Variants in CAPN3 observed in about 807,000 individuals in gnomAD.
The protein encoded by CAPN3 is calpain 3.
Under a neutral mutation model 114.0 loss-of-function variants are expected in CAPN3, and 88 were observed. That is an observed-to-expected ratio of 0.77 (90% CI 0.65 to 0.92). The LOEUF (loss-of-function observed/expected upper bound fraction) is 0.92, where lower values mean the gene tolerates loss of function less well. Among genes scored for constraint, CAPN3 ranks in the 40% least tolerant of loss-of-function variants. The pLI, the probability that CAPN3 is intolerant of heterozygous loss-of-function variation, is 0.00. For synonymous variants in CAPN3, 386 were observed against 382.9 expected, an observed-to-expected ratio of 1.01 and a Z score of -0.09; for missense variants, 1,028 against 1,069.0, an observed-to-expected ratio of 0.96 and a Z score of 0.53.
chr15:42,409,179 C>T (rs2054122954), intron 16 of CAPN3, 124 bp from the exon 17 acceptor site: 1 of 805,446 alleles, frequency 1.2e-6, no homozygotes. Context: ...ATTTGCCCGT[C>T]CCCAGCTCCT....
In CAPN3 at chr15:42,406,011, G is replaced by A. The variant is rs1406202939; in HGVS notation, c.1800+68G>A. ...ATATGTATGTGCATGCATGTGAAGTGTGCATGTGTGAGCTCATATGCATCC... is the reference window on the plus strand; with the variant it reads ...ATATGTATGTGCATGCATGTGAAGTATGCATGTGTGAGCTCATATGCATCC... On this transcript the variant is annotated intron_variant, in intron 15 of 23. Transcript: ENST00000397163. 2.2e-6 allele frequency: 3 copies of A among 1,346,502 alleles called. No homozygotes were observed. In the East Asian group the frequency reaches 6.9e-5, roughly 31 times the overall value. The allele number at this position is 1,346,502 out of a possible 1,614,324, so 83.4% of individuals were successfully genotyped here. A position where few individuals can be genotyped will look rare whatever the true frequency, so the allele number is the denominator to read the frequency against.
At chr15:42,377,864 A>G (rs2053131973) in intron 1 of CAPN3, among the ~76,000 whole-genome samples, 1 of 152,206 alleles carries the variant, frequency 6.6e-6, no homozygotes, top group African/African-American at 2.4e-5. Context: ...AGTGCTATTC[A>G]GATTATCTAA....
At chr15:42,396,962 A>G in intron 9 of CAPN3, 85 bp downstream of exon 9, 1 of 996,422 alleles carries the variant, frequency 1.0e-6, no homozygotes, top group East Asian at 2.4e-5. Flanking sequence ...AGCTAAGGTT[A>G]TCAGATTCCA....
intron 1 of CAPN3, among the ~76,000 whole-genome samples, chr15:42,360,799 C>T (rs1566966385): frequency 1.3e-5 from 2 of 152,200 alleles, no homozygotes; most frequent in South Asian, 4.1e-4. Context: ...CTCTCCCAGC[C>T]TCTGGGTTTC....
At position 42,402,205 on chromosome 15, in the gene CAPN3, C is replaced by T. The variant is rs28364490; in HGVS notation, c.1536+70C>T. 2.2e-4 allele frequency: 350 copies of T among 1,609,654 alleles called. 3 individuals are homozygous for T. In the East Asian group the frequency reaches 7.5e-3, roughly 34 times the overall value. On this transcript the variant is annotated intron_variant, in intron 12 of 23. Transcript: ENST00000397163. ...GGGGGCCCCGAGTCTGTCTGTGGCT[C>T]GTCGAGAAGCTTCCTGGTGGGGTTT...
intron 1 of CAPN3, among the ~76,000 whole-genome samples, chr15:42,382,250 T>C (rs1343038965): frequency 6.6e-6 from 1 of 152,220 alleles, no homozygotes; most frequent in African/African-American, 2.4e-5. Context: ...TTCTAGAATG[T>C]ATATTCATGT....
At chr15:42,401,180 C>T (rs2053850981) in intron 10 of CAPN3, among the ~76,000 whole-genome samples, 1 of 151,702 alleles carries the variant, frequency 6.6e-6, no homozygotes, top group Non-Finnish European at 1.5e-5. Flanking sequence ...GGCAACAGAG[C>T]CAGACTCCGT....
At chr15:42,405,269 T>C (rs2053985499) in intron 14 of CAPN3, among the ~76,000 whole-genome samples, 2 of 152,222 alleles carry the variant, frequency 1.3e-5, no homozygotes, top group Non-Finnish European at 2.9e-5. Context: ...GAGAGCCATG[T>C]TTTTGGTGTT....
chr15:42,409,059 G>A, intron 16 of CAPN3: 2 of 556,040 alleles, frequency 3.6e-6, no homozygotes, highest in East Asian at 3.1e-5. Flanking sequence ...GGGTGGCGGG[G>A]AGGAGGCTGT....
Position 42,386,282 on chromosome 15 carries a change from C to T in CAPN3, c.495C>T (p.Phe165=), listed in dbSNP as rs1801324. 7.4e-3 allele frequency: 11,866 copies of T among 1,603,796 alleles called. 67 individuals carry two copies. The highest frequency in any genetic ancestry group is 9.2e-3 in the Non-Finnish European group (10,810 of 1,170,578). ...FIENYAGIFH[F]QFWRYGEWVD... ...AAAACTACGCAGGGATCTTCCACTT[C>T]CAGGTGAGGTAATGAGAGTGTAGTT... is the stretch of plus-strand genomic sequence containing the variant. Residue 165 remains phenylalanine (F), a synonymous_variant, in exon 3 of 24, where the codon TTC becomes TTT. Transcript: ENST00000397163.
At chr15:42,368,596 C>T (rs1345433672) in intron 1 of CAPN3, among the ~76,000 whole-genome samples, 2 of 152,168 alleles carry the variant, frequency 1.3e-5, no homozygotes, top group African/African-American at 4.8e-5. Flanking sequence ...ACCAGAGACT[C>T]ATAGGACTCT....
intron 6 of CAPN3, among the ~76,000 whole-genome samples, chr15:42,391,571 G>A (rs927317632): frequency 2.6e-5 from 4 of 152,086 alleles, no homozygotes; most frequent in African/African-American, 7.2e-5. Context: ...TAGGAATTCC[G>A]CGGCCTAGCA....
In CAPN3 at chr15:42,405,985, C is replaced by T. The variant is rs140716903; in HGVS notation, c.1800+42C>T. Reference sequence around the variant, plus strand: ...AGAGCATGAAGTGTGTGTACTCATGCATATGTATGTGCATGCATGTGAAGT... The same window carrying T: ...AGAGCATGAAGTGTGTGTACTCATGTATATGTATGTGCATGCATGTGAAGT... On this transcript the variant is annotated intron_variant, in intron 15 of 23. Coordinates refer to ENST00000397163, the MANE Select transcript of CAPN3 (RefSeq NM_000070.3). 764 of 1,570,884 alleles carry T rather than the reference C, an allele frequency of 4.9e-4. 7 individuals carry two copies. In the East Asian group the frequency reaches 0.017, roughly 35 times the overall value.
chr15:42,408,584 C>T (rs1305556884), intron 16 of CAPN3: 3 of 457,732 alleles, frequency 6.6e-6, no homozygotes, highest in Non-Finnish European at 1.2e-5. Flanking sequence ...AGCCAGGATA[C>T]AGAGAAGGGG....
At position 42,359,834 on chromosome 15, in the gene CAPN3, C is replaced by T; in HGVS notation, c.29C>T (p.Ala10Val). The T allele has an allele frequency of 1.9e-6, 3 of 1,614,020 alleles. No individual in the cohort carries two copies. Among genetic ancestry groups the T allele is most frequent in the South Asian group, 1.1e-5 (1 of 91,074 alleles). The stretch of plus-strand genomic sequence containing the variant: ...CCGACCGTCATTAGCGCATCTGTGG[C>T]TCCAAGGACAGCGGCTGAGCCCCGG... MPTVISASV[A>V]PRTAAEPRSP... The change falls in exon 1 of 24, where the codon GCT becomes GTT. Residue 10 changes from alanine to valine, a missense_variant. By Grantham distance (64) the Ala-to-Val change is moderately conservative. Coordinates refer to ENST00000397163, the MANE Select transcript of CAPN3 (RefSeq NM_000070.3).
At chr15:42,379,322 A>G (rs546159775) in intron 1 of CAPN3, among the ~76,000 whole-genome samples, 66 of 152,146 alleles carry the variant, frequency 4.3e-4, no homozygotes, top group Non-Finnish European at 9.0e-4. Context: ...AAAAAAAAAA[A>G]TTGGTTAAGG....
chr15:42,394,491 G>T (rs770796990), intron 8 of CAPN3, 150 bp downstream of exon 8: 4 of 723,082 alleles, frequency 5.5e-6, no homozygotes, highest in Non-Finnish European at 9.6e-6. Flanking sequence ...GGGCACAGGT[G>T]TTGGCTCCAG....
At chr15:42,364,248 C>A (rs1293669526) in intron 1 of CAPN3, among the ~76,000 whole-genome samples, 2 of 152,166 alleles carry the variant, frequency 1.3e-5, no homozygotes, top group Non-Finnish European at 2.9e-5. Flanking sequence ...CACATACTTA[C>A]CCTCATTTTG....
chr15:42,363,266 A>G (rs968817887), intron 1 of CAPN3, among the ~76,000 whole-genome samples: 3 of 152,120 alleles, frequency 2.0e-5, no homozygotes, highest in Non-Finnish European at 2.9e-5. Flanking sequence ...TATATGATCT[A>G]TTTCTAGGAT....
Sources: allele counts gnomAD v4.1 joint callset (sites outside exome capture counted in the v4.1 genomes callset), GRCh38; gene constraint gnomAD v4.1.1; transcripts MANE v1.5; gene names NCBI Gene and HGNC (gene_info 2026-07-23, HGNC 2026-07-21).